Variants in KIAA0825 observed in about 807,000 individuals in gnomAD.
KIAA0825 encodes the protein uncharacterized protein KIAA0825.
Under a neutral mutation model 147.6 loss-of-function variants are expected in KIAA0825, and 119 were observed. That is an observed-to-expected ratio of 0.81 (90% confidence interval 0.69 to 0.94). The LOEUF (loss-of-function observed/expected upper bound fraction) is 0.94, where lower values mean the gene tolerates loss of function less well. KIAA0825 is among the 40% of genes least tolerant of loss of function. KIAA0825 has a pLI of 0.00. For missense variants in KIAA0825, 1,381 were observed against 1,472.7 expected (o/e 0.94, Z 1.02); for synonymous variants, 470 against 518.1 (o/e 0.91, Z 1.26).
intron 20 of KIAA0825, among the ~76,000 whole-genome samples, chr5:94,246,392 A>G (rs1384871132): frequency 6.6e-6 from 1 of 152,000 alleles, no homozygotes; most frequent in African/African-American, 2.4e-5. Context: ...ATGATAGGGA[A>G]CCAGGTCTCC....
chr5:94,278,786 T>C (rs917105948), intron 20 of KIAA0825, among the ~76,000 whole-genome samples: 12 of 152,114 alleles, frequency 7.9e-5, no homozygotes, highest in African/African-American at 2.7e-4. Flanking sequence ...GGAAGTTCTA[T>C]ATGCATCATT....
At chr5:94,504,019 C>T (rs1483316862) in intron 5 of KIAA0825, among the ~76,000 whole-genome samples, 2 of 152,078 alleles carry the variant, frequency 1.3e-5, no homozygotes, top group African/African-American at 4.8e-5. Context: ...GCAGAGGGAC[C>T]TAAGAGAGAA....
rs569910452 is a variant in KIAA0825 at position 94,281,758 on chromosome 5, C to T, written c.3710+102610G>A. Among the ~76,000 whole-genome samples, 5 of 152,142 alleles carry T rather than the reference C, an allele frequency of 3.3e-5. No homozygotes were observed. In the South Asian group the frequency reaches 8.3e-4, roughly 25 times the overall value. Reference sequence around the variant, plus strand: ...TGTCCCCTGAGAGTGCAAAATAGGCCCTGATTGAGAACCACTGTTGTAGAT... The same window carrying T: ...TGTCCCCTGAGAGTGCAAAATAGGCTCTGATTGAGAACCACTGTTGTAGAT... On this transcript the variant is annotated intron_variant, in intron 20 of 20. Coordinates refer to ENST00000682413, the MANE Select transcript of KIAA0825 (RefSeq NM_001145678.3).
chr5:94,210,498 T>G (rs1446659950), intron 20 of KIAA0825, among the ~76,000 whole-genome samples: 1 of 152,214 alleles, frequency 6.6e-6, no homozygotes, highest in African/African-American at 2.4e-5. Context: ...TTCTTATGTC[T>G]GGCACTTTTG....
chr5:94,446,178 G>T (rs1001804672), intron 13 of KIAA0825, among the ~76,000 whole-genome samples: 2 of 151,906 alleles, frequency 1.3e-5, no homozygotes, highest in Non-Finnish European at 2.9e-5. Flanking sequence ...AGCACTTAGG[G>T]GACACAATAC....
At chr5:94,244,774 G>T (rs150304184) in intron 20 of KIAA0825, among the ~76,000 whole-genome samples, 43 of 151,858 alleles carry the variant, frequency 2.8e-4, no homozygotes, top group Non-Finnish European at 5.7e-4. Flanking sequence ...TAACCTTTAG[G>T]TACCTTACCC....
intron 20 of KIAA0825, among the ~76,000 whole-genome samples, chr5:94,155,213 C>CTTTTTT (rs67704311): frequency 5.9e-5 from 7 of 119,062 alleles, no homozygotes; most frequent in Non-Finnish European, 7.1e-5. Flanking sequence ...TATTTTCTTT[C>CTTTTTT]TTTTTTTTTT....
At chr5:94,540,884 A>T (rs1329317829) in intron 2 of KIAA0825, among the ~76,000 whole-genome samples, 1 of 152,168 alleles carries the variant, frequency 6.6e-6, no homozygotes, top group East Asian at 1.9e-4. Flanking sequence ...GGATACGTGA[A>T]ATCAACCATG....
chr5:94,570,990 C>G lies in KIAA0825; in HGVS notation c.-2+11443G>C, dbSNP rs570087854. Among the ~76,000 whole-genome samples the G allele has an allele frequency of 6.0e-4, 91 of 152,174 alleles. 1 individual carries two copies. The highest frequency in any genetic ancestry group is 2.1e-3 in the African/African-American group (89 of 41,518). On this transcript the variant is annotated intron_variant, in intron 2 of 20. Transcript: ENST00000682413. The stretch of plus-strand genomic sequence containing the variant: ...TCATGAACATTTATAGGCTGTTTAC[C>G]TTGTATATGTATAATCATATTTGTA...
At chr5:94,547,910 T>A (rs1259313835) in intron 2 of KIAA0825, among the ~76,000 whole-genome samples, 1 of 151,640 alleles carries the variant, frequency 6.6e-6, no homozygotes, top group Non-Finnish European at 1.5e-5. Flanking sequence ...CCTATAATAG[T>A]ATATCCTGCA....
At chr5:94,334,632 G>A (rs1234662286) in intron 20 of KIAA0825, among the ~76,000 whole-genome samples, 1 of 152,092 alleles carries the variant, frequency 6.6e-6, no homozygotes, top group Non-Finnish European at 1.5e-5. Context: ...ACAGGCATGG[G>A]CCACCATGCC....
chr5:94,446,016 C>T (rs1757680648), intron 13 of KIAA0825, among the ~76,000 whole-genome samples: 1 of 152,190 alleles, frequency 6.6e-6, no homozygotes, highest in African/African-American at 2.4e-5. Context: ...AGACCAAAAA[C>T]TCTTTTTGTC....
At chr5:94,582,354 A>C (rs1326553516) in intron 2 of KIAA0825, 79 bp downstream of exon 2, 1 of 152,216 alleles carries the variant, frequency 6.6e-6, no homozygotes, top group Non-Finnish European at 1.5e-5. Context: ...GGCCAAAGGA[A>C]TAGAATTATA....
chr5:94,378,285 C>G (rs1198482562), intron 20 of KIAA0825, among the ~76,000 whole-genome samples: 1 of 152,090 alleles, frequency 6.6e-6, no homozygotes, highest in Non-Finnish European at 1.5e-5. Flanking sequence ...GCCTCAGAGT[C>G]TGTTGATCCC....
At chr5:94,530,313 C>T (rs1424119529) in intron 3 of KIAA0825, among the ~76,000 whole-genome samples, 1 of 148,104 alleles carries the variant, frequency 6.8e-6, no homozygotes, top group East Asian at 2.0e-4. Context: ...CTTTTAAATT[C>T]CCATTTATTT....
intron 6 of KIAA0825, among the ~76,000 whole-genome samples, chr5:94,484,481 A>T (rs577104268): frequency 1.3e-5 from 2 of 151,804 alleles, no homozygotes; most frequent in Non-Finnish European, 3.0e-5. Context: ...TTCTTTCCAT[A>T]GGCTAGTTGT....
At chr5:94,443,063 T>C (rs774305907) in intron 13 of KIAA0825, among the ~76,000 whole-genome samples, 5 of 152,132 alleles carry the variant, frequency 3.3e-5, no homozygotes, top group African/African-American at 4.8e-5. Context: ...ATAAATAAAA[T>C]CTCTCATTTA....
At position 94,462,390 on chromosome 5, in the gene KIAA0825, T is replaced by C. The variant is rs749724901; in HGVS notation, c.2243A>G (p.Tyr748Cys). Reference protein sequence around the residue: ...VILTSPLTELYKTFQHGLDES... With the variant: ...VILTSPLTELCKTFQHGLDES... ...GGAAAATACATTTGATACTTACTTA[T>C]ATAATTCTGTTAATGGTGAAGTCAA... The change falls in exon 12 of 21, where the codon TAT (tyrosine) becomes TGT (cysteine). Residue 748 changes from tyrosine to cysteine, a missense_variant. Coordinates refer to ENST00000682413, the MANE Select transcript of KIAA0825 (RefSeq NM_001145678.3). The C allele has an allele frequency of 5.8e-6, 8 of 1,375,380 alleles. No homozygotes were observed. The highest frequency in any genetic ancestry group is 7.9e-6 in the Non-Finnish European group (8 of 1,007,568). The allele number at this position is 1,375,380 out of a possible 1,614,324, so 85.2% of individuals were successfully genotyped here.
chr5:94,249,800 T>G (rs1056914258), intron 20 of KIAA0825, among the ~76,000 whole-genome samples: 3 of 85,102 alleles, frequency 3.5e-5, no homozygotes, highest in Non-Finnish European at 7.2e-5. Flanking sequence ...GCTCTGCTGG[T>G]TTTTTTTTTT....
Sources: gnomAD v4.1 joint callset for allele counts (sites outside exome capture counted in the v4.1 genomes callset) on GRCh38, gnomAD v4.1.1 for gene constraint, MANE v1.5 for transcripts, NCBI Gene and HGNC (gene_info 2026-07-23, HGNC 2026-07-21) for gene names.